Variants in MDN1 observed in about 807,000 individuals in gnomAD.
MDN1 encodes midasin.
A neutral mutation model predicts 669.2 loss-of-function variants in MDN1; 266 were observed. The ratio of observed to expected loss-of-function variants is 0.40; its 90% CI spans 0.36 to 0.44. The LOEUF (loss-of-function observed/expected upper bound fraction) is 0.44. Ranked by LOEUF, MDN1 falls within the 20% of genes least tolerant of loss-of-function variation. The pLI is 1.00. For synonymous variants in MDN1, 2,385 were observed against 2,457.1 expected (o/e 0.97, Z 0.87); for missense variants, 5,940 against 6,754.0 (o/e 0.88, Z 4.22).
chr6:89,678,975 A>T (rs374649087), intron 74 of MDN1, among the ~76,000 whole-genome samples: 21 of 152,244 alleles, frequency 1.4e-4, no homozygotes, highest in African/African-American at 4.8e-4. Flanking sequence ...ACAGGATTTC[A>T]AATCTCTTGA....
chr6:89,751,517 G>A lies in MDN1; in HGVS notation c.3141C>T (p.Asp1047=), dbSNP rs534180843. 4 of 1,614,124 alleles carry A rather than the reference G, an allele frequency of 2.5e-6. No individual in the cohort carries two copies. Among genetic ancestry groups the A allele is most frequent in the Non-Finnish European group, 3.4e-6 (4 of 1,180,014 alleles). Residue 1047 remains aspartate, a synonymous_variant, in exon 23 of 102, where the codon GAC becomes GAT. Coordinates refer to ENST00000369393, the MANE Select transcript of MDN1 (RefSeq NM_014611.3). ...QVEGYWIAVG[D]KEPTIDETYI... ...ACGTCTCATCTATTGTAGGCTCCTT[G>A]TCTCCCACCGCAATCCAGTAGCCTT...
In MDN1 at chr6:89,670,934, T is replaced by C; in HGVS notation, c.13941A>G (p.Thr4647=). The change falls in exon 83 of 102, where the codon ACA becomes ACG. Residue 4647 remains threonine, a synonymous_variant. Transcript: ENST00000369393. The part of the protein sequence containing the change: ...KLLSVLAQVF[T]ELAQKGFCLP... Reference sequence around the variant, plus strand: ...CAGTCCTTACCTTCTGGGCAAGCTCTGTAAAGACCTGGGCAAGCACAGAGA... The same window carrying C: ...CAGTCCTTACCTTCTGGGCAAGCTCCGTAAAGACCTGGGCAAGCACAGAGA... The C allele has an allele frequency of 6.2e-7, 1 of 1,614,134 alleles. No homozygotes were observed. The highest frequency in any genetic ancestry group is 8.5e-7 in the Non-Finnish European group (1 of 1,180,004).
Position 89,730,836 on chromosome 6 carries a change from C to G in MDN1, c.5030G>C (p.Arg1677Pro), listed in dbSNP as rs769764632. The G allele has an allele frequency of 1.2e-6, 2 of 1,614,012 alleles. No homozygotes were observed. Among genetic ancestry groups the G allele is most frequent in the South Asian group, 1.1e-5 (1 of 91,070 alleles). The change falls in exon 35 of 102, where the codon CGA becomes CCA. Residue 1677 changes from arginine (R) to proline (P), a missense_variant. Around this residue, in one of 5 missense-constraint regions of MDN1, gnomAD observed 2,292 missense variants for 2,638.3 expected, o/e 0.87. Coordinates refer to ENST00000369393, the MANE Select transcript of MDN1 (RefSeq NM_014611.3). ...CTCATTTTTCTGATATTCTGTAAGT[C>G]GTACTATCTTGGCAAGCCTCTTGAT... ...FLIKRLAKIV[R>P]LTEYQKNELK...
At chr6:89,647,361 T>A (rs1324209649) in intron 99 of MDN1, among the ~76,000 whole-genome samples, 3 of 152,230 alleles carry the variant, frequency 2.0e-5, no homozygotes, top group African/African-American at 7.2e-5. Context: ...TTTTGAACTT[T>A]TGTTCTCTTA....
chr6:89,646,514 AATG>A (rs1180209293), intron 100 of MDN1, 23 bp downstream of exon 100: 1 of 1,607,364 alleles, frequency 6.2e-7, no homozygotes, highest in South Asian at 1.1e-5. Context: ...GCATTTTGTT[AATG>A]AAGAGGAAGG....
chr6:89,717,075 G>A (rs985958160), intron 43 of MDN1, among the ~76,000 whole-genome samples: 1 of 152,164 alleles, frequency 6.6e-6, no homozygotes, highest in Non-Finnish European at 1.5e-5. Context: ...TCTGTATTAC[G>A]GTTTCTCAAA....
intron 71 of MDN1, 43 bp downstream of exon 71, chr6:89,684,833 A>C (rs1811897725): frequency 4.6e-6 from 6 of 1,293,238 alleles, no homozygotes; most frequent in Non-Finnish European, 2.2e-6. Flanking sequence ...GAATTTGCTG[A>C]TTTTGTCCTC....
At chr6:89,775,039 GA>G (rs1183077448) in intron 12 of MDN1, among the ~76,000 whole-genome samples, 2 of 151,488 alleles carry the variant, frequency 1.3e-5, no homozygotes, top group Admixed American at 6.6e-5. Context: ...TAAAAGGTAA[GA>G]AAAAAAAATC....
chr6:89,671,358 G>GC (rs1461507259), intron 82 of MDN1, among the ~76,000 whole-genome samples: 1 of 152,208 alleles, frequency 6.6e-6, no homozygotes. Context: ...ATGTTGGCCA[G>GC]GCACAGTGGC....
Position 89,750,455 on chromosome 6 carries a change from C to T in MDN1, c.3305G>A (p.Gly1102Asp). 6.2e-7 allele frequency: 1 copy of T among 1,614,006 alleles called. No homozygotes were observed. Among genetic ancestry groups the T allele is most frequent in the Non-Finnish European group, 8.5e-7 (1 of 1,179,908 alleles). ...SLIQWLAAAT[G>D]NHCVRINNHE... ...ATTATTAATACGCACACAGTGGTTG[C>T]CAGTAGCTGCAGCCAGCCACTGGAT... Residue 1102 changes from glycine (G) to aspartate (D), a missense_variant, in exon 24 of 102, where the codon GGC (glycine) becomes GAC (aspartate). Physicochemically the swap from Gly to Asp is moderately conservative, Grantham distance 94. This residue lies in a region of MDN1 where 2,292 missense variants were observed against 2,638.3 expected (regional missense o/e 0.87). Transcript: ENST00000369393.
In MDN1 at chr6:89,795,481, CTATTCAGGAGCCTGAAGCT is replaced by C. The variant is rs569261692; in HGVS notation, c.330-699_330-681del. 5.9e-5 allele frequency among the ~76,000 whole-genome samples: 9 copies of C among 151,976 alleles called. No individual in the cohort carries two copies. The South Asian group carries it at 1.9e-3, about 32-fold the overall frequency. ...AGTGGGGTATGGTGGAGCCTGAAGC[CTATTCAGGAGCCTGAAGCT>C]GGAAGATCATTTGCCAGGTTCCAGG... On this transcript the variant is annotated intron_variant, in intron 2 of 101. Transcript: ENST00000369393.
At chr6:89,803,740 C>T (rs924931675) in intron 1 of MDN1, among the ~76,000 whole-genome samples, 186 bp from the exon 2 acceptor site, 2 of 151,874 alleles carry the variant, frequency 1.3e-5, no homozygotes, top group African/African-American at 2.4e-5. Flanking sequence ...CGCCACCATA[C>T]CCGGCTAATT....
intron 35 of MDN1, 38 bp downstream of exon 35, chr6:89,730,688 T>A (rs559686287): frequency 2.6e-6 from 4 of 1,557,950 alleles, no homozygotes; most frequent in Admixed American, 1.8e-5. Flanking sequence ...CTATGATCTA[T>A]AGAAAAGGAA....
At chr6:89,819,309 CAA>C (rs758851446) in intron 1 of MDN1, among the ~76,000 whole-genome samples, 195 bp downstream of exon 1, 1 of 152,194 alleles carries the variant, frequency 6.6e-6, no homozygotes, top group Non-Finnish European at 1.5e-5. Context: ...CAGATAAAAA[CAA>C]AAGACTCCTT....
chr6:89,774,436 TTTCACCTATTGA>T (rs1818252330), intron 13 of MDN1, among the ~76,000 whole-genome samples, 173 bp downstream of exon 13: 1 of 152,208 alleles, frequency 6.6e-6, no homozygotes, highest in Non-Finnish European at 1.5e-5. Flanking sequence ...TCATCACCTC[TTTCACCTATTGA>T]TATCTAATTT....
rs144228542 is a variant in MDN1, at chr6:89,719,620, T to C, written c.5968-395A>G. ...GATTATAAAGAAAAATGACCATTCA[T>C]TAACCACCTCCTATGTACCAAACAC... On this transcript the variant is annotated intron_variant, in intron 40 of 101. Coordinates refer to ENST00000369393, the MANE Select transcript of MDN1 (RefSeq NM_014611.3). Among the ~76,000 whole-genome samples, 696 of 152,334 alleles carry C rather than the reference T, an allele frequency of 4.6e-3. 19 individuals carry two copies. The highest frequency in any genetic ancestry group is 0.043 in the Admixed American group (654 of 15,300).
rs765793719 is a variant in MDN1, at chr6:89,650,789, T to G, written c.15974A>C (p.Gln5325Pro). 6.2e-7 allele frequency: 1 copy of G among 1,614,174 alleles called. No homozygotes were observed. Among genetic ancestry groups the G allele is most frequent in the Non-Finnish European group, 8.5e-7 (1 of 1,180,020 alleles). ...GAGACGAAGCTCTTCACATAACCGT[T>G]GTGAAAGAGGCGCTGTTAAGATCAG... ...SYLILTAPLS[Q>P]RLCEELRLIL... Residue 5325 changes from glutamine (Q) to proline (P), a missense_variant, in exon 96 of 102, where the codon CAA becomes CCA. Coordinates refer to ENST00000369393, the MANE Select transcript of MDN1 (RefSeq NM_014611.3).
chr6:89,650,625 C>T lies in MDN1; in HGVS notation c.16031+107G>A, dbSNP rs1808784288. 4.9e-6 allele frequency: 4 copies of T among 815,198 alleles called. No individual in the cohort carries two copies. In the African/African-American group the frequency reaches 5.1e-5, roughly 10 times the overall value. 50.5% of individuals were successfully genotyped at this position (815,198 alleles called of 1,614,324 possible). A position where few individuals can be genotyped will look rare whatever the true frequency, so the allele number is the denominator to read the frequency against. ...ACTGGTGCCTGTACGGCACAAGCGG[C>T]AGCCTAGAAGCTGGCACTATAAATG... On this transcript the variant is annotated intron_variant, in intron 96 of 101. Transcript: ENST00000369393.
At chr6:89,731,596 C>G (rs942756749) in intron 34 of MDN1, among the ~76,000 whole-genome samples, 1 of 151,702 alleles carries the variant, frequency 6.6e-6, no homozygotes, top group African/African-American at 2.4e-5. Context: ...ACATCACATA[C>G]TGGGGCCTGT....
Sources: allele counts gnomAD v4.1 joint callset (sites outside exome capture counted in the v4.1 genomes callset), GRCh38; gene constraint gnomAD v4.1.1; regional missense constraint gnomAD v4.1.1; transcripts MANE v1.5; gene names NCBI Gene and HGNC (gene_info 2026-07-23, HGNC 2026-07-21).